The following KIFC3 variants were observed in gnomAD, a reference collection of about 807,000 sequenced individuals.
KIFC3 encodes kinesin-like protein KIFC3.
KIFC3 carries 60 observed loss-of-function variants against 101.8 expected under a neutral mutation model. The observed-to-expected ratio is 0.59, with a 90% CI of 0.48 to 0.73. KIFC3 has a LOEUF of 0.73. Ranked by LOEUF, KIFC3 falls within the 30% of genes least tolerant of loss-of-function variation. KIFC3 has a pLI of 0.00. For missense variants in KIFC3, 966 were observed against 1,137.1 expected (o/e 0.85, Z 2.16); for synonymous variants, 476 against 482.7 (o/e 0.99, Z 0.18).
chr16:57,813,149 G>A (rs781879798), intron 1 of KIFC3, among the ~76,000 whole-genome samples: 2 of 152,030 alleles, frequency 1.3e-5, no homozygotes, highest in Non-Finnish European at 2.9e-5. Context: ...TCAACATGGC[G>A]AAACTCCATC....
At position 57,761,449 on chromosome 16, in the gene KIFC3, A is replaced by G. The variant is rs1555597538; in HGVS notation, c.1836T>C (p.Thr612=). 3.7e-6 allele frequency: 6 copies of G among 1,614,018 alleles called. No homozygotes were observed. Among genetic ancestry groups the G allele is most frequent in the South Asian group, 2.2e-5 (2 of 91,086 alleles). Residue 612 remains threonine, a synonymous_variant, in exon 14 of 20, where the codon ACT becomes ACC. Coordinates refer to ENST00000445690, the MANE Select transcript of KIFC3 (RefSeq NM_001130100.2). ...GSGQLYVPGL[T]EFQVQSVDDI... ...CGTCCACGCTCTGCACTTGGAACTC[A>G]GTCAGCCCTGGTACATACAGCTGCC...
chr16:57,808,455 G>C (rs2054993911), intron 1 of KIFC3, among the ~76,000 whole-genome samples: 1 of 152,042 alleles, frequency 6.6e-6, no homozygotes, highest in Admixed American at 6.6e-5. Flanking sequence ...ACCAGCACAT[G>C]CGTTATTAAC....
chr16:57,802,936 A>AAC (rs1555626067), upstream of KIFC3: 3 of 1,524,076 alleles, frequency 2.0e-6, no homozygotes, highest in East Asian at 4.9e-5. This position sits in a 1 kb window ranked among gnomAD's most constrained non-coding sequence, Gnocchi z 5.0. Context: ...TTCCCATCCC[A>AAC]ACACACACAC....
At chr16:57,806,999 C>G (rs2054951853), upstream of KIFC3, among the ~76,000 whole-genome samples, 1 of 152,096 alleles carries the variant, frequency 6.6e-6, no homozygotes, top group Non-Finnish European at 1.5e-5. Flanking sequence ...CGGGCAATCA[C>G]CTGAGGTCAG....
At chr16:57,782,962 AAAC>A (rs1205666974) in intron 3 of KIFC3, among the ~76,000 whole-genome samples, 1 of 152,188 alleles carries the variant, frequency 6.6e-6, no homozygotes, top group Non-Finnish European at 1.5e-5. Context: ...AGAAAAAGAA[AAAC>A]AACATTCAAG....
rs954540327 is a variant in KIFC3 at position 57,758,380 on chromosome 16, C to T, written c.*554G>A. On this transcript the variant is annotated 3_prime_UTR_variant, in exon 20 of 20. Transcript: ENST00000445690. ...GCTGGCTGCCTCTGCCAGCCATAAA[C>T]ACAGCACGGCCCCGTGGCGGGAGGC... is the stretch of plus-strand genomic sequence containing the variant. 4.2e-5 allele frequency: 14 copies of T among 334,294 alleles called. No individual in the cohort carries two copies. The highest frequency in any genetic ancestry group is 2.2e-4 in the Admixed American group (5 of 23,100). The allele number at this position is 334,294 out of a possible 1,614,324, so 20.7% of individuals were successfully genotyped here. A position where few individuals can be genotyped will look rare whatever the true frequency, so the allele number is the denominator to read the frequency against.
chr16:57,846,996 C>T (rs1054473418), intron 1 of KIFC3, among the ~76,000 whole-genome samples: 5 of 151,172 alleles, frequency 3.3e-5, no homozygotes, highest in Non-Finnish European at 1.5e-5. Flanking sequence ...ACCAGCCTAG[C>T]CAACAAGGTG....
chr16:57,798,429 A>T (rs1477647226), intron 1 of KIFC3, 147 bp from the exon 2 acceptor site: 5 of 699,032 alleles, frequency 7.2e-6, no homozygotes, highest in Non-Finnish European at 1.2e-5. Flanking sequence ...TCCCCCAAAG[A>T]CCCTAGGGCT....
chr16:57,785,686 T>G, intron 3 of KIFC3: 1 of 1,212,766 alleles, frequency 8.2e-7, no homozygotes, highest in Non-Finnish European at 1.1e-6. Context: ...AAGTAGTGGC[T>G]GATGAGAGGG....
intron 1 of KIFC3, among the ~76,000 whole-genome samples, chr16:57,858,783 C>G (rs530247356): frequency 6.6e-6 from 1 of 152,164 alleles, no homozygotes; most frequent in East Asian, 1.9e-4. Flanking sequence ...ACTGTTTCTA[C>G]TAAAAGTACA....
At position 57,819,403 on chromosome 16, in the gene KIFC3, G is replaced by A. The variant is rs150728666; in HGVS notation, c.109-21121C>T. On this transcript the variant is annotated intron_variant, in intron 1 of 2. Coordinates refer to the KIFC3 transcript ENST00000563028. ...GAGGATGGCTTGAGCCTAAGAGTGG[G>A]GTACATGACTTGGCGCAAGCAGGAG... Among the ~76,000 whole-genome samples the A allele has an allele frequency of 8.5e-3, 1,291 of 152,134 alleles. 14 individuals are homozygous for A. The highest frequency in any genetic ancestry group is 0.02 in the Middle Eastern group (6 of 294).
intron 1 of KIFC3, among the ~76,000 whole-genome samples, chr16:57,811,360 A>T (rs2149259169): frequency 6.6e-6 from 1 of 152,310 alleles, no homozygotes; most frequent in South Asian, 2.1e-4. Flanking sequence ...TATGATAATT[A>T]TATCTCAGTA....
intron 1 of KIFC3, among the ~76,000 whole-genome samples, chr16:57,829,122 G>GA (rs1334658128): frequency 6.6e-6 from 1 of 152,004 alleles, no homozygotes; most frequent in Non-Finnish European, 1.5e-5. Context: ...ATCAGAAGGG[G>GA]AAAAAATGAA....
At chr16:57,808,253 T>C (rs1766656210), upstream of KIFC3, among the ~76,000 whole-genome samples, 1 of 152,150 alleles carries the variant, frequency 6.6e-6, no homozygotes, top group Non-Finnish European at 1.5e-5. Context: ...ATAATGGACG[T>C]AAGCACCAGG....
chr16:57,831,042 G>A (rs2055570946), intron 1 of KIFC3, among the ~76,000 whole-genome samples: 2 of 152,194 alleles, frequency 1.3e-5, no homozygotes, highest in South Asian at 4.1e-4. Context: ...CCCTGGTGAT[G>A]GTGACTTACG....
intron 1 of KIFC3, chr16:57,816,187 T>C (rs2055219254): frequency 7.9e-7 from 1 of 1,273,302 alleles, no homozygotes; most frequent in Non-Finnish European, 1.0e-6. Flanking sequence ...CTTCTAATAG[T>C]TCATCAAGTT....
chr16:57,770,092 A>C, intron 7 of KIFC3, 137 bp from the exon 8 acceptor site: 1 of 1,115,458 alleles, frequency 9.0e-7, no homozygotes, highest in Non-Finnish European at 1.3e-6. Context: ...CCAGAGGGGC[A>C]GAATGGCCTT....
chr16:57,820,879 G>T (rs2055336234), intron 1 of KIFC3, among the ~76,000 whole-genome samples: 2 of 152,120 alleles, frequency 1.3e-5, no homozygotes, highest in Non-Finnish European at 2.9e-5. Context: ...CCAGCACTAT[G>T]GGAGGCTGAG....
chr16:57,762,110 G>T (rs782770367), intron 13 of KIFC3, 30 bp downstream of exon 13: 32 of 1,562,144 alleles, frequency 2.0e-5, no homozygotes, highest in Non-Finnish European at 2.7e-5. Context: ...CTGCCCCTGA[G>T]GCCTGCTCCG....
Sources: allele counts gnomAD v4.1 joint callset (sites outside exome capture counted in the v4.1 genomes callset), GRCh38; gene constraint gnomAD v4.1.1; non-coding constraint Gnocchi (gnomAD v3.1); transcripts MANE v1.5; gene names NCBI Gene and HGNC (gene_info 2026-07-23, HGNC 2026-07-21).